COL25A1: variants seen among roughly 807,000 people sequenced by gnomAD.
COL25A1 encodes collagen alpha-1(XXV) chain.
In COL25A1, 103 loss-of-function variants were observed where a neutral mutation model predicts 128.4. The observed-to-expected ratio is 0.80, with a 90% confidence interval of 0.68 to 0.94. The LOEUF (loss-of-function observed/expected upper bound fraction) is 0.94, where lower values mean the gene tolerates loss of function less well. Among genes scored for constraint, COL25A1 ranks in the 40% least tolerant of loss-of-function variants. The pLI is 0.00. For missense variants in COL25A1, 745 were observed against 840.0 expected (o/e 0.89, Z 1.40); for synonymous variants, 279 against 277.2 (o/e 1.01, Z -0.06).
intron 3 of COL25A1, among the ~76,000 whole-genome samples, chr4:109,071,061 A>G (rs1039119125): frequency 1.3e-5 from 2 of 152,200 alleles, no homozygotes; most frequent in African/African-American, 2.4e-5. Context: ...ACAAGGCTAC[A>G]GTAACCAAAA....
intron 25 of COL25A1, among the ~76,000 whole-genome samples, chr4:108,852,691 T>TA (rs1338713039): frequency 2.0e-5 from 3 of 152,188 alleles, no homozygotes; most frequent in Admixed American, 1.3e-4. Flanking sequence ...GCCAGAGACT[T>TA]TTAAGAAAAT....
chr4:108,906,162 C>G (rs1743492232), intron 13 of COL25A1, among the ~76,000 whole-genome samples: 1 of 152,120 alleles, frequency 6.6e-6, no homozygotes, highest in African/African-American at 2.4e-5. Flanking sequence ...TACAATGGCC[C>G]CAGCCCCACA....
intron 3 of COL25A1, among the ~76,000 whole-genome samples, chr4:109,231,387 T>C (rs1490418107): frequency 6.6e-6 from 1 of 152,182 alleles, no homozygotes; most frequent in South Asian, 2.1e-4. Context: ...ATTATTTAGT[T>C]CAACTTCCTC....
chr4:109,132,351 C>A (rs1438024390), intron 3 of COL25A1, among the ~76,000 whole-genome samples: 1 of 152,106 alleles, frequency 6.6e-6, no homozygotes, highest in Non-Finnish European at 1.5e-5. Context: ...AGGCTGCTTC[C>A]CATACGCTTT....
intron 8 of COL25A1, among the ~76,000 whole-genome samples, chr4:108,945,645 G>A (rs1467698150): frequency 1.1e-4 from 16 of 152,134 alleles, no homozygotes; most frequent in Admixed American, 1.0e-3. Flanking sequence ...GGAATAAGCT[G>A]AATATTGAAA....
chr4:108,948,565 TAA>T (rs34156471), intron 8 of COL25A1, among the ~76,000 whole-genome samples: 66,875 of 151,698 alleles, frequency 0.44, 16,074 homozygotes, highest in East Asian at 0.75. Context: ...CTATAAATGA[TAA>T]GTGTAAATTT....
intron 3 of COL25A1, among the ~76,000 whole-genome samples, chr4:109,198,157 A>G (rs1776273968): frequency 6.6e-6 from 1 of 152,118 alleles, no homozygotes; most frequent in Non-Finnish European, 1.5e-5. Flanking sequence ...GCTCTGGCCA[A>G]TGATTCCTTC....
chr4:108,903,972 T>C (rs578122647), intron 13 of COL25A1, among the ~76,000 whole-genome samples: 1 of 152,224 alleles, frequency 6.6e-6, no homozygotes, highest in South Asian at 2.1e-4. Flanking sequence ...TGAATAAAGC[T>C]AGAGGAAAAA....
At chr4:109,016,974 C>T (rs960967251) in intron 5 of COL25A1, among the ~76,000 whole-genome samples, 16 of 152,212 alleles carry the variant, frequency 1.1e-4, no homozygotes, top group Non-Finnish European at 1.9e-4. Context: ...CGCCATGTTG[C>T]GAGCACCAGA....
At chr4:109,263,663 T>C (rs1457514056) in intron 3 of COL25A1, among the ~76,000 whole-genome samples, 1 of 152,200 alleles carries the variant, frequency 6.6e-6, no homozygotes, top group Admixed American at 6.6e-5. Flanking sequence ...TGAACGTTGT[T>C]TAAAACAAAG....
At chr4:109,031,419 TTACAA>T (rs1022954261) in intron 5 of COL25A1, among the ~76,000 whole-genome samples, 7 of 152,122 alleles carry the variant, frequency 4.6e-5, no homozygotes, top group Non-Finnish European at 7.4e-5. Context: ...CCAGGCCATG[TTACAA>T]TACTTTTTTT....
chr4:109,108,768 AT>A (rs965680340), intron 3 of COL25A1, among the ~76,000 whole-genome samples: 5 of 94,724 alleles, frequency 5.3e-5, no homozygotes, highest in African/African-American at 1.1e-4. Flanking sequence ...GTTTTTTATT[AT>A]TTTTTTAGCA....
chr4:108,846,753 A>G (rs1475444440), intron 27 of COL25A1, among the ~76,000 whole-genome samples: 12 of 152,070 alleles, frequency 7.9e-5, no homozygotes, highest in Admixed American at 4.6e-4. Flanking sequence ...ACGCTCAATC[A>G]ATGCTTAAAA....
chr4:109,048,264 A>G lies in COL25A1; in HGVS notation c.413-89T>C, dbSNP rs534579980. On this transcript the variant is annotated intron_variant, in intron 4 of 37. Transcript: ENST00000399132. ...AAATCAAACAAAAGATATGAGCATA[A>G]TCATCAGCATGACATAATAGACATG... 3.2e-6 allele frequency: 4 copies of G among 1,254,194 alleles called. No individual in the cohort carries two copies. The South Asian group carries it at 4.9e-5, about 15-fold the overall frequency. The allele number at this position is 1,254,194 out of a possible 1,614,324, so 77.7% of individuals were successfully genotyped here.
intron 6 of COL25A1, among the ~76,000 whole-genome samples, chr4:109,006,233 C>T (rs927936125): frequency 7.2e-5 from 10 of 138,808 alleles, no homozygotes; most frequent in East Asian, 2.4e-4. Flanking sequence ...GGGGGGGTGG[C>T]GGGTGGGTCT....
intron 19 of COL25A1, 66 bp from the exon 20 acceptor site, chr4:108,869,216 ATAAAT>A (rs1403228519): frequency 1.3e-6 from 1 of 755,840 alleles, no homozygotes; most frequent in African/African-American, 2.2e-5. Flanking sequence ...AAATAAATAA[ATAAAT>A]AAAAACTAAA....
chr4:108,897,805 C>T (rs1320180172), intron 15 of COL25A1, among the ~76,000 whole-genome samples: 2 of 152,116 alleles, frequency 1.3e-5, no homozygotes, highest in East Asian at 3.8e-4. Context: ...GGCAGACTTT[C>T]ACTTTTTTCC....
chr4:108,826,715 A>G (rs1732433543), intron 33 of COL25A1, among the ~76,000 whole-genome samples: 3 of 152,312 alleles, frequency 2.0e-5, no homozygotes, highest in South Asian at 2.1e-4. Context: ...TTTAGTAAAT[A>G]GTCTATAGGA....
chr4:108,983,008 G>C (rs905666336), intron 6 of COL25A1, among the ~76,000 whole-genome samples: 1 of 152,128 alleles, frequency 6.6e-6, no homozygotes, highest in African/African-American at 2.4e-5. Flanking sequence ...GGAGTTAAAG[G>C]CTTATAAAAC....
Sources: gnomAD v4.1 joint callset for allele counts (sites outside exome capture counted in the v4.1 genomes callset) on GRCh38, gnomAD v4.1.1 for gene constraint, MANE v1.5 for transcripts, NCBI Gene and HGNC (gene_info 2026-07-23, HGNC 2026-07-21) for gene names.